TYK2: variants seen among roughly 807,000 people sequenced by gnomAD.
The protein encoded by TYK2 is non-receptor tyrosine-protein kinase TYK2.
TYK2 carries 65 observed loss-of-function variants against 130.9 expected under a neutral mutation model. The ratio of observed to expected loss-of-function variants is 0.50; its 90% confidence interval spans 0.41 to 0.61. The LOEUF is 0.61. TYK2 is among the 20% of genes least tolerant of loss of function. TYK2 has a pLI of 0.00. For missense variants in TYK2, 1,378 were observed against 1,610.7 expected, an observed-to-expected ratio of 0.86 and a Z score of 2.47; for synonymous variants, 647 against 658.9, an observed-to-expected ratio of 0.98 and a Z score of 0.28.
chr19:10,351,990 G>A (rs1265247349), intron 23 of TYK2, among the ~76,000 whole-genome samples: 5 of 151,334 alleles, frequency 3.3e-5, no homozygotes, highest in South Asian at 2.1e-4. Flanking sequence ...TGCCCGCCTC[G>A]GCCTCCCAAA....
rs1305598464 is a variant in TYK2 at position 10,359,156 on chromosome 19, CCACACACAGGCCA to C, written c.2175+6_2175+18del. ...TGGCCCTCCCTGACCGACCCAGGCC[CCACACACAGGCCA>C]CACACCAGGTAGCTGAGGGCGCTGG... On this transcript the variant is annotated splice_donor_region_variant and intron_variant, in intron 15 of 24. Transcript: ENST00000525621. 1 of 1,599,846 alleles carries C rather than the reference CCACACACAGGCCA, an allele frequency of 6.3e-7. No homozygotes were observed. The highest frequency in any genetic ancestry group is 8.5e-7 in the Non-Finnish European group (1 of 1,179,732).
intron 3 of TYK2, among the ~76,000 whole-genome samples, chr19:10,374,432 A>G (rs1469111436): frequency 2.0e-5 from 3 of 150,412 alleles, no homozygotes; most frequent in African/African-American, 4.9e-5. Flanking sequence ...TGAAAATACA[A>G]AAATTAGCCA....
chr19:10,353,133 G>A lies in TYK2; in HGVS notation c.3028-35C>T, dbSNP rs1279335286. On this transcript the variant is annotated intron_variant, in intron 21 of 24. Transcript: ENST00000525621. This position sits in a 1 kb window ranked among gnomAD's most constrained non-coding sequence, Gnocchi z 6.9. ...GGGCAGGGCTCGTGAGTTTCAGTGG[G>A]GCGGGGTTCGGCCGGGGGCGGCGGC... is the stretch of plus-strand genomic sequence containing the variant. The A allele has an allele frequency of 6.8e-7, 1 of 1,466,186 alleles. No homozygotes were observed. The highest frequency in any genetic ancestry group is 9.0e-7 in the Non-Finnish European group (1 of 1,105,552). The allele number at this position is 1,466,186 out of a possible 1,614,324, so 90.8% of individuals were successfully genotyped here.
At position 10,353,672 on chromosome 19, in the gene TYK2, TG is replaced by T; in HGVS notation, c.2909-27del. Reference sequence around the variant, plus strand: ...CTGCCGCGGAGAGGGGCGGCCCCGGTGGGGGACGATAGAGGGCGGGCCGGGG... The same window carrying T: ...CTGCCGCGGAGAGGGGCGGCCCCGGTGGGGACGATAGAGGGCGGGCCGGGG... On this transcript the variant is annotated intron_variant, in intron 20 of 24. Transcript: ENST00000525621. The surrounding 1 kb of genome is among the most constrained non-coding windows in gnomAD (Gnocchi z 6.9). 6.9e-7 allele frequency: 1 copy of T among 1,452,000 alleles called. No homozygotes were observed. The highest frequency in any genetic ancestry group is 1.5e-5 in the South Asian group (1 of 65,280). 89.9% of individuals were successfully genotyped at this position (1,452,000 alleles called of 1,614,324 possible).
chr19:10,372,121 G>T (rs2041929089), intron 3 of TYK2, among the ~76,000 whole-genome samples: 1 of 151,792 alleles, frequency 6.6e-6, no homozygotes, highest in African/African-American at 2.4e-5. Context: ...CTCCCGAGTA[G>T]CTGGGACTAC....
Position 10,366,509 on chromosome 19 carries a change from A to G in TYK2, c.537T>C (p.Phe179=), listed in dbSNP as rs1230477373. Residue 179 remains phenylalanine, a synonymous_variant, in exon 6 of 25, where the codon TTT becomes TTC. Transcript: ENST00000525621. ...AGGCCATGCCCAGGCTCTCATTCTT[A>G]AAGTGGTGGATCTCCTCCTCGGTCG... The part of the protein sequence containing the change: ...ELSTEEEIHH[F]KNESLGMAFL... The G allele has an allele frequency of 1.1e-5, 18 of 1,613,960 alleles. No homozygotes were observed. The highest frequency in any genetic ancestry group is 1.3e-5 in the African/African-American group (1 of 74,898).
rs280523 is a variant in TYK2, at chr19:10,366,530, G to C, written c.516C>G (p.Thr172=). 1 of 1,613,782 alleles carries C rather than the reference G, an allele frequency of 6.2e-7. No homozygotes were observed. The change falls in exon 6 of 25, where the codon ACC becomes ACG. Residue 172 remains threonine, a synonymous_variant. Coordinates refer to ENST00000525621, the MANE Select transcript of TYK2 (RefSeq NM_003331.5). ...NDVASLWELS[T]EEEIHHFKNE... ...TCTTAAAGTGGTGGATCTCCTCCTC[G>C]GTCGACAGCTCCCACAGTGATGCCA...
intron 3 of TYK2, among the ~76,000 whole-genome samples, chr19:10,377,232 C>A (rs2042151275): frequency 6.6e-6 from 1 of 152,182 alleles, no homozygotes; most frequent in South Asian, 2.1e-4. Flanking sequence ...ATATTTCTTG[C>A]TGTCCTCCCT....
intron 3 of TYK2, among the ~76,000 whole-genome samples, chr19:10,372,458 C>CTATATATATATATATATACATATA (rs2041946389): frequency 2.2e-5 from 1 of 45,988 alleles, no homozygotes; most frequent in Non-Finnish European, 3.4e-5. Flanking sequence ...CCACACACAG[C>CTATATATATATATATATACATATA]TATATATATA....
chr19:10,375,195 A>G (rs1351414484), intron 3 of TYK2, among the ~76,000 whole-genome samples: 1 of 151,962 alleles, frequency 6.6e-6, no homozygotes, highest in Non-Finnish European at 1.5e-5. Flanking sequence ...AGACTCAGCC[A>G]TCAATGGGGA....
chr19:10,365,394 C>T, intron 7 of TYK2, 123 bp downstream of exon 7: 1 of 1,462,368 alleles, frequency 6.8e-7, no homozygotes, highest in Non-Finnish European at 9.4e-7. Context: ...CGGACAGGTG[C>T]CCCAGAGCCA....
rs12720276 is a variant in TYK2, at chr19:10,361,881, A to T, written c.1848T>A (p.Pro616=). Residue 616 remains proline (P), a synonymous_variant, in exon 13 of 25, where the codon CCT becomes CCA. Transcript: ENST00000525621. The surrounding 1 kb of genome is among the most constrained non-coding windows in gnomAD (Gnocchi z 4.0). ...GRLRVEGSGD[P]EEGKMDDEDP... is the part of the protein sequence containing the mutation. Reference sequence around the variant, plus strand: ...CCTCGTCATCCATCTTGCCCTCCTCAGGGTCCCCGCTGCCCTCCACTCGCA... The same window carrying T: ...CCTCGTCATCCATCTTGCCCTCCTCTGGGTCCCCGCTGCCCTCCACTCGCA... 1 of 1,613,800 alleles carries T rather than the reference A, an allele frequency of 6.2e-7. No homozygotes were observed. Among genetic ancestry groups the T allele is most frequent in the African/African-American group, 1.3e-5 (1 of 74,860 alleles).
At chr19:10,360,847 G>A (rs1185192196) in intron 14 of TYK2, 1 of 215,248 alleles carries the variant, frequency 4.6e-6, no homozygotes, top group African/African-American at 2.3e-5. Context: ...TGAACTCCTG[G>A]GCTCAAGTGA....
intron 23 of TYK2, 32 bp from the exon 24 acceptor site, chr19:10,351,194 G>A (rs2040784729): frequency 3.1e-6 from 5 of 1,591,324 alleles, no homozygotes; most frequent in Non-Finnish European, 4.3e-6. Context: ...CTCTTTTCAA[G>A]AGGCAATGAA....
Position 10,378,512 on chromosome 19 carries a change from G to A in TYK2, c.-20-86C>T, listed in dbSNP as rs1246262778. 3.6e-6 allele frequency: 4 copies of A among 1,097,328 alleles called. No homozygotes were observed. The African/African-American group carries it at 4.7e-5, about 13-fold the overall frequency. The allele number at this position is 1,097,328 out of a possible 1,614,324, so 68.0% of individuals were successfully genotyped here. On this transcript the variant is annotated intron_variant, in intron 2 of 24. Coordinates refer to ENST00000525621, the MANE Select transcript of TYK2 (RefSeq NM_003331.5). ...CAACCTTCCACCCACCCCAGCTAAGGCCTGAGGGGAAGATTCTGGGCTCCC... is the reference window on the plus strand; with the variant it reads ...CAACCTTCCACCCACCCCAGCTAAGACCTGAGGGGAAGATTCTGGGCTCCC...
intron 2 of TYK2, among the ~76,000 whole-genome samples, 182 bp downstream of exon 2, chr19:10,379,433 C>T (rs2042291105): frequency 6.6e-6 from 1 of 150,512 alleles, no homozygotes; most frequent in African/African-American, 2.4e-5. Flanking sequence ...GAGGCCAAGG[C>T]GGACAGATCA....
rs759111483 is a variant in TYK2, at chr19:10,364,728, G to A, written c.1253C>T (p.Ser418Leu). ...PSRAAALSFV[S>L]LVDGYFRLTA... is the part of the protein sequence containing the mutation. ...CAGGCGGAAATAGCCGTCCACCAGCGACACGAAGGACAGCGCCGCAGCCCG... is the reference window on the plus strand; with the variant it reads ...CAGGCGGAAATAGCCGTCCACCAGCAACACGAAGGACAGCGCCGCAGCCCG... The change falls in exon 9 of 25, where the codon TCG becomes TTG. Residue 418 changes from serine (S) to leucine (L), a missense_variant. Ser to Leu is a moderately radical substitution (Grantham distance 145, BLOSUM62 -2). Transcript: ENST00000525621. The surrounding 1 kb of genome is among the most constrained non-coding windows in gnomAD (Gnocchi z 4.9). 5.0e-6 allele frequency: 8 copies of A among 1,613,820 alleles called. No individual in the cohort carries two copies. The Admixed American group carries it at 5.0e-5, about 10-fold the overall frequency.
At position 10,353,615 on chromosome 19, in the gene TYK2, G is replaced by A; in HGVS notation, c.2940C>T (p.Tyr980=). The change falls in exon 21 of 25, where the codon TAC becomes TAT. Residue 980 remains tyrosine, a synonymous_variant. Coordinates refer to ENST00000525621, the MANE Select transcript of TYK2 (RefSeq NM_003331.5). This position sits in a 1 kb window ranked among gnomAD's most constrained non-coding sequence, Gnocchi z 6.9. ...GEKSLQLVME[Y]VPLGSLRDYL... ...AGTCTCGGAGGCTGCCCAGGGGCAC[G>A]TACTCCATGACCAGCTGCAGCGACT... 6.8e-7 allele frequency: 1 copy of A among 1,479,100 alleles called. No homozygotes were observed. The highest frequency in any genetic ancestry group is 1.5e-5 in the South Asian group (1 of 68,508). 91.6% of individuals were successfully genotyped at this position (1,479,100 alleles called of 1,614,324 possible).
intron 22 of TYK2, 92 bp from the exon 23 acceptor site, chr19:10,352,643 CCTCTGGG>C (rs1393743980): frequency 3.9e-6 from 3 of 762,130 alleles, no homozygotes; most frequent in Non-Finnish European, 6.6e-6. Context: ...ACTGAAGGAC[CCTCTGGG>C]CTCAGTTGGG....
Sources: gnomAD v4.1 joint callset for allele counts (sites outside exome capture counted in the v4.1 genomes callset) on GRCh38, gnomAD v4.1.1 for gene constraint, Gnocchi (gnomAD v3.1) non-coding constraint, MANE v1.5 for transcripts, NCBI Gene and HGNC (gene_info 2026-07-23, HGNC 2026-07-21) for gene names.